The following PSG2 variants were observed in gnomAD, a reference collection of about 807,000 sequenced individuals.
The protein encoded by PSG2 is pregnancy specific beta-1-glycoprotein 2.
In PSG2, 49 loss-of-function variants were observed where a neutral mutation model predicts 36.2. The observed-to-expected ratio is 1.35, with a 90% confidence interval of 1.08 to 1.72. PSG2 has a LOEUF of 1.72. Among genes scored for constraint, PSG2 ranks in the 40% most tolerant of loss-of-function variants. The probability of loss-of-function intolerance (pLI) is 0.00; values close to 1 mark genes in which losing one functional copy is unlikely to be tolerated. For synonymous variants in PSG2, 261 were observed against 155.6 expected (o/e 1.68, Z -5.04); for missense variants, 605 against 407.2 (o/e 1.49, Z -4.18).
At chr19:43,072,781 A>G (rs1967838196) in intron 3 of PSG2, among the ~76,000 whole-genome samples, 2 of 151,748 alleles carry the variant, frequency 1.3e-5, no homozygotes, top group Admixed American at 6.6e-5. Context: ...CAGATGCATG[A>G]TGATCTAAGG....
chr19:43,071,196 C>G (rs1467555738), intron 4 of PSG2, among the ~76,000 whole-genome samples: 3 of 151,600 alleles, frequency 2.0e-5, no homozygotes, highest in African/African-American at 4.9e-5. Context: ...TCAAACAGGG[C>G]CAGTCACCAG....
rs1438870146 is a variant in PSG2 at position 43,072,511 on chromosome 19, A to G, written c.710-557T>C. The G allele has an allele frequency of 1.1e-5, 17 of 1,611,244 alleles. No individual in the cohort carries two copies. In the South Asian group the frequency reaches 1.5e-4, roughly 15 times the overall value. ...TGGGACTGACCGGGAGGCTCTGACC[A>G]TTTAGCCACCAAATGTAGGTGTAGC... On this transcript the variant is annotated intron_variant, in intron 3 of 5. Transcript: ENST00000406487.
At chr19:43,069,159 G>C (rs1159812373) in intron 4 of PSG2, among the ~76,000 whole-genome samples, 1 of 151,506 alleles carries the variant, frequency 6.6e-6, no homozygotes, top group African/African-American at 2.4e-5. Flanking sequence ...TAACCAAAGA[G>C]GTGAAATGAT....
intron 4 of PSG2, among the ~76,000 whole-genome samples, chr19:43,071,131 A>C (rs1318549582): frequency 6.6e-6 from 1 of 151,400 alleles, no homozygotes. Flanking sequence ...AGCGAAATTC[A>C]GGACAGTCCA....
intron 1 of PSG2, chr19:43,082,048 C>G (rs1967984724): frequency 6.4e-6 from 1 of 155,198 alleles, no homozygotes; most frequent in Non-Finnish European, 1.4e-5. Context: ...GTTTTGACCC[C>G]TGTCCCTCTC....
At position 43,066,563 on chromosome 19, in the gene PSG2, T is replaced by G. The variant is rs746299556; in HGVS notation, c.1002A>C (p.Pro334=). The change falls in exon 5 of 6, where the codon CCA becomes CCC. Residue 334 remains proline (P), a synonymous_variant. Coordinates refer to ENST00000406487, the MANE Select transcript of PSG2 (RefSeq NM_031246.4). ...TRIGLLPLLN[P]T is the part of the protein sequence containing the mutation. ...AGAAATGACATCACAGCTGCTATGT[T>G]GGATTAAGGAGAGGAAGAAGTCCTA... is the stretch of plus-strand genomic sequence containing the variant. 22 of 1,599,628 alleles carry G rather than the reference T, an allele frequency of 1.4e-5. No individual in the cohort carries two copies. Among genetic ancestry groups the G allele is most frequent in the Admixed American group, 1.3e-4 (8 of 59,880 alleles).
chr19:43,075,586 C>A lies in PSG2; in HGVS notation c.477G>T (p.Arg159Ser), dbSNP rs781118261. The change falls in exon 3 of 6, where the codon AGG becomes AGT. Residue 159 changes from arginine to serine, a missense_variant. Coordinates refer to ENST00000406487, the MANE Select transcript of PSG2 (RefSeq NM_031246.4). The part of the protein sequence containing the change: ...PSISSSNLNP[R>S]EAMETVILTC... ...TTAAGATCACAGTTTCCATGGCCTCCCTGGGGTTTAAGTTGCTGCTGGAGA... is the reference window on the plus strand; with the variant it reads ...TTAAGATCACAGTTTCCATGGCCTCACTGGGGTTTAAGTTGCTGCTGGAGA... 7.4e-6 allele frequency: 12 copies of A among 1,613,198 alleles called. No individual in the cohort carries two copies. The East Asian group carries it at 2.5e-4, about 33-fold the overall frequency.
intron 2 of PSG2, among the ~76,000 whole-genome samples, chr19:43,077,111 G>A (rs1008436077): frequency 2.0e-5 from 3 of 151,660 alleles, no homozygotes; most frequent in Non-Finnish European, 2.9e-5. Context: ...GTTTTCATAA[G>A]TGGAAATTTT....
Position 43,064,593 on chromosome 19 carries a change from A to G in PSG2, c.*49T>C, listed in dbSNP as rs1394682632. ...AAGAGTCCTTGTAAGAGACCTTTCC[A>G]TAAATCTCCTTGAAGAAAAAGCAAT... On this transcript the variant is annotated 3_prime_UTR_variant, in exon 6 of 6. Coordinates refer to ENST00000406487, the MANE Select transcript of PSG2 (RefSeq NM_031246.4). The G allele has an allele frequency of 1.5e-6, 1 of 665,114 alleles. No individual in the cohort carries two copies. Among genetic ancestry groups the G allele is most frequent in the East Asian group, 2.9e-5 (1 of 34,742 alleles). 41.2% of individuals were successfully genotyped at this position (665,114 alleles called of 1,614,324 possible).
chr19:43,073,872 G>A lies in PSG2; in HGVS notation c.709+1482C>T, dbSNP rs147373336. ...TGAAATATTTGTCATATACTTACTG[G>A]TTTAGCATCCCAAATCTGAAAGATT... On this transcript the variant is annotated intron_variant, in intron 3 of 5. Transcript: ENST00000406487. Among the ~76,000 whole-genome samples the A allele has an allele frequency of 2.3e-3, 345 of 151,840 alleles. 13 individuals are homozygous for A. Among genetic ancestry groups the A allele is most frequent in the African/African-American group, 8.1e-3 (332 of 41,234 alleles).
chr19:43,070,795 T>A (rs140364659), intron 4 of PSG2, among the ~76,000 whole-genome samples: 2,802 of 151,716 alleles, frequency 0.018, 158 homozygotes, highest in African/African-American at 0.064. Flanking sequence ...CAACACTAAA[T>A]TGCACACTTA....
Position 43,064,428 on chromosome 19 carries a change from C to G in PSG2, c.*214G>C, listed in dbSNP as rs1375233423. 8.6e-6 allele frequency: 3 copies of G among 348,832 alleles called. No individual in the cohort carries two copies. The highest frequency in any genetic ancestry group is 2.2e-5 in the African/African-American group (1 of 46,400). The allele number at this position is 348,832 out of a possible 1,614,324, so 21.6% of individuals were successfully genotyped here. A position where few individuals can be genotyped will look rare whatever the true frequency, so the allele number is the denominator to read the frequency against. On this transcript the variant is annotated 3_prime_UTR_variant, in exon 6 of 6. Coordinates refer to ENST00000406487, the MANE Select transcript of PSG2 (RefSeq NM_031246.4). Reference sequence around the variant, plus strand: ...AAATAGAAAATTATGAAATCATTATCCTTTTGATTATTTAGTCCAATAACA... The same window carrying G: ...AAATAGAAAATTATGAAATCATTATGCTTTTGATTATTTAGTCCAATAACA...
intron 3 of PSG2, among the ~76,000 whole-genome samples, chr19:43,074,311 G>C (rs1973302): frequency 0.2 from 29,878 of 151,362 alleles, 5,361 homozygotes; most frequent in African/African-American, 0.46. Flanking sequence ...ACAATATTGA[G>C]TCTTCCAATC....
chr19:43,066,895 A>G (rs899143592), intron 4 of PSG2, among the ~76,000 whole-genome samples: 2 of 150,376 alleles, frequency 1.3e-5, no homozygotes, highest in Non-Finnish European at 3.0e-5. Flanking sequence ...AGAACTTGCC[A>G]CATTTTCACC....
chr19:43,067,621 T>G (rs1354762527), intron 4 of PSG2, among the ~76,000 whole-genome samples: 2 of 151,354 alleles, frequency 1.3e-5, no homozygotes, highest in Admixed American at 1.3e-4. Context: ...GTGTAAAAAC[T>G]TTCCTGGTGT....
chr19:43,078,432 C>A (rs1967927149), intron 2 of PSG2, among the ~76,000 whole-genome samples: 1 of 151,732 alleles, frequency 6.6e-6, no homozygotes, highest in Admixed American at 6.6e-5. Flanking sequence ...CTATAGATAA[C>A]ATCACTATTA....
At chr19:43,078,279 C>T (rs965099470) in intron 2 of PSG2, among the ~76,000 whole-genome samples, 14 of 151,634 alleles carry the variant, frequency 9.2e-5, no homozygotes, top group African/African-American at 3.2e-4. Flanking sequence ...CCAGGGACGG[C>T]CTTTGTCAAA....
At chr19:43,067,181 C>T (rs1364153330) in intron 4 of PSG2, among the ~76,000 whole-genome samples, 4 of 151,440 alleles carry the variant, frequency 2.6e-5, no homozygotes, top group East Asian at 3.8e-4. Flanking sequence ...GCATTGGTAC[C>T]TAAAACTTCT....
At chr19:43,070,469 G>T (rs1399085092) in intron 4 of PSG2, among the ~76,000 whole-genome samples, 1 of 151,680 alleles carries the variant, frequency 6.6e-6, no homozygotes, top group Non-Finnish European at 1.5e-5. Context: ...AAGATAAGTG[G>T]GTAGGCAAAT....
Sources: allele counts gnomAD v4.1 joint callset (sites outside exome capture counted in the v4.1 genomes callset), GRCh38; gene constraint gnomAD v4.1.1; transcripts MANE v1.5; gene names NCBI Gene and HGNC (gene_info 2026-07-23, HGNC 2026-07-21).